DENND4A: variants seen among roughly 807,000 people sequenced by gnomAD.
DENND4A encodes the protein DENN domain containing 4A, also known as C-myc promoter-binding protein.
DENND4A carries 70 observed loss-of-function variants against 199.3 expected under a neutral mutation model. The ratio of observed to expected loss-of-function variants is 0.35; its 90% CI spans 0.29 to 0.43. DENND4A has a LOEUF of 0.43. DENND4A is among the 20% of genes least tolerant of loss of function. The pLI is 1.00. For missense variants in DENND4A, 1,723 were observed against 2,255.8 expected, an observed-to-expected ratio of 0.76 and a Z score of 4.78; for synonymous variants, 686 against 766.9, an observed-to-expected ratio of 0.89 and a Z score of 1.74.
chr15:65,730,874 CATG>C (rs1239930775), intron 9 of DENND4A, among the ~76,000 whole-genome samples: 1 of 152,040 alleles, frequency 6.6e-6, no homozygotes, highest in African/African-American at 2.4e-5. Context: ...GGGTGAATTA[CATG>C]ATATGTGAAT....
At chr15:65,720,672 A>G (rs954956532) in intron 12 of DENND4A, among the ~76,000 whole-genome samples, 12 of 151,828 alleles carry the variant, frequency 7.9e-5, no homozygotes, top group African/African-American at 2.9e-4. Context: ...TCGGCCTCCC[A>G]AAGTGCTGGG....
chr15:65,780,135 C>T (rs893456570), intron 1 of DENND4A, among the ~76,000 whole-genome samples: 8 of 152,030 alleles, frequency 5.3e-5, no homozygotes, highest in Non-Finnish European at 1.0e-4. Flanking sequence ...ATTGCGGGCT[C>T]GAGAGATCCG....
chr15:65,671,915 A>T (rs766866088), intron 24 of DENND4A, 29 bp from the exon 25 acceptor site: 5 of 1,296,918 alleles, frequency 3.9e-6, no homozygotes, highest in Non-Finnish European at 5.6e-6. Flanking sequence ...CAAAGAACAG[A>T]AACCATTAAA....
intron 12 of DENND4A, among the ~76,000 whole-genome samples, chr15:65,720,943 TTGA>T (rs1173138257): frequency 1.7e-5 from 1 of 57,400 alleles, no homozygotes; most frequent in African/African-American, 6.2e-5. Flanking sequence ...GGCTGTTTCA[TTGA>T]TTATATATAT....
chr15:65,674,752 C>T (rs1238564195), intron 24 of DENND4A, among the ~76,000 whole-genome samples: 2 of 148,158 alleles, frequency 1.3e-5, no homozygotes, highest in African/African-American at 4.9e-5. Context: ...AAAAAAAAGA[C>T]ACATTATATG....
rs1336540353 is a variant in DENND4A, at chr15:65,756,251, T to C, written c.200A>G (p.Asp67Gly). The change falls in exon 3 of 33, where the codon GAT becomes GGT. Residue 67 changes from aspartate to glycine, a missense_variant. This residue lies in a region of DENND4A where 725 missense variants were observed against 952.9 expected (regional missense o/e 0.76). Transcript: ENST00000443035. ...AGCTGACAATCCAGTTGGGGTAACA[T>C]CAATACAGATATAATCCTGTGGGAC... ...EEVPQDYICI[D>G]VTPTGLSADL... 1.2e-6 allele frequency: 2 copies of C among 1,612,722 alleles called. No individual in the cohort carries two copies. Among genetic ancestry groups the C allele is most frequent in the Non-Finnish European group, 1.7e-6 (2 of 1,179,322 alleles).
chr15:65,703,842 ATAAATAAG>A (rs1264674900), intron 15 of DENND4A, among the ~76,000 whole-genome samples: 2 of 152,336 alleles, frequency 1.3e-5, no homozygotes, highest in Non-Finnish European at 2.9e-5. Flanking sequence ...AACTTCATTA[ATAAATAAG>A]TAAATAAGTG....
intron 9 of DENND4A, among the ~76,000 whole-genome samples, chr15:65,731,227 A>G (rs1188387287): frequency 2.2e-4 from 34 of 152,014 alleles, no homozygotes; most frequent in Admixed American, 1.6e-3. Context: ...AAGAAAATAC[A>G]TTGTCCTATT....
intron 1 of DENND4A, among the ~76,000 whole-genome samples, chr15:65,785,933 C>T (rs1218969869): frequency 1.3e-5 from 2 of 151,886 alleles, no homozygotes; most frequent in Non-Finnish European, 2.9e-5. Flanking sequence ...TAAAAACAAA[C>T]AAAAAAACTT....
At chr15:65,697,670 A>C (rs2077193356) in intron 20 of DENND4A, among the ~76,000 whole-genome samples, 1 of 152,240 alleles carries the variant, frequency 6.6e-6, no homozygotes. Flanking sequence ...ATGAGCTCCA[A>C]GACACAGACA....
chr15:65,698,306 T>C lies in DENND4A; in HGVS notation c.2834-923A>G, dbSNP rs116079761. Among the ~76,000 whole-genome samples, 534 of 149,820 alleles carry C rather than the reference T, an allele frequency of 3.6e-3. 2 individuals carry two copies. The highest frequency in any genetic ancestry group is 0.013 in the African/African-American group (517 of 41,222). ...AAGGTCTATCAATATAAAAAAATTT[T>C]CTAATACACTGTGTTGCTAAAGAGG... On this transcript the variant is annotated intron_variant, in intron 20 of 32. Coordinates refer to ENST00000443035, the MANE Select transcript of DENND4A (RefSeq NM_001320835.1).
chr15:65,738,792 C>T lies in DENND4A; in HGVS notation c.715G>A (p.Ala239Thr), dbSNP rs1275852616. Residue 239 changes from alanine to threonine, a missense_variant, in exon 6 of 33, where the codon GCA (alanine) becomes ACA (threonine). Ala to Thr is a moderately conservative substitution (Grantham distance 58). This residue lies in a region of DENND4A where 725 missense variants were observed against 952.9 expected (regional missense o/e 0.76). Coordinates refer to ENST00000443035, the MANE Select transcript of DENND4A (RefSeq NM_001320835.1). ...SVPLFCLPMG[A>T]TIECWPSNSK... ...TTTGATGGCCAACATTCAATGGTTG[C>T]ACCCATTGGTAAACAAAATAGAGGA... is the stretch of plus-strand genomic sequence containing the variant. The T allele has an allele frequency of 1.9e-6, 3 of 1,612,030 alleles. No homozygotes were observed. Among genetic ancestry groups the T allele is most frequent in the Admixed American group, 1.7e-5 (1 of 59,822 alleles).
intron 13 of DENND4A, 70 bp from the exon 14 acceptor site, chr15:65,715,693 G>A (rs1482279894): frequency 7.2e-7 from 1 of 1,380,496 alleles, no homozygotes; most frequent in South Asian, 1.4e-5. Flanking sequence ...ATTTGCACTA[G>A]AAAGAATCTG....
intron 4 of DENND4A, among the ~76,000 whole-genome samples, chr15:65,744,624 T>C (rs944786686): frequency 2.0e-5 from 3 of 152,172 alleles, no homozygotes; most frequent in African/African-American, 7.2e-5. Context: ...TTTGGTGTAT[T>C]ATATATTTTC....
At chr15:65,702,207 T>A (rs930010644) in intron 17 of DENND4A, 98 bp downstream of exon 17, 19 of 1,001,112 alleles carry the variant, frequency 1.9e-5, no homozygotes, top group Non-Finnish European at 2.9e-5. Flanking sequence ...AGGTTAAGAC[T>A]GCAGTGAGCC....
chr15:65,728,641 G>A (rs146579915), intron 11 of DENND4A, among the ~76,000 whole-genome samples: 67 of 151,870 alleles, frequency 4.4e-4, no homozygotes, highest in African/African-American at 1.4e-3. Context: ...GCGCCACCAC[G>A]CTCAGCTAAT....
chr15:65,700,767 T>C, intron 19 of DENND4A, 92 bp from the exon 20 acceptor site: 1 of 1,313,416 alleles, frequency 7.6e-7, no homozygotes, highest in Non-Finnish European at 1.0e-6. Flanking sequence ...AATGTAATAC[T>C]GAACATGAAA....
chr15:65,772,272 T>C lies in DENND4A; in HGVS notation c.-101-10834A>G, dbSNP rs2140892200. On this transcript the variant is annotated intron_variant, in intron 1 of 32. Coordinates refer to ENST00000443035, the MANE Select transcript of DENND4A (RefSeq NM_001320835.1). ...CTCATTCACTCATCTGACAAATATT[T>C]ATTGAATACTGAAATGGACATGTAT... is the stretch of plus-strand genomic sequence containing the variant. The C allele has an allele frequency of 5.5e-6, 3 of 546,100 alleles. No homozygotes were observed. In the East Asian group the frequency reaches 9.1e-5, roughly 17 times the overall value. The allele number at this position is 546,100 out of a possible 1,614,324, so 33.8% of individuals were successfully genotyped here.
intron 4 of DENND4A, 99 bp downstream of exon 4, chr15:65,752,279 TC>T: frequency 7.4e-6 from 4 of 541,594 alleles, no homozygotes; most frequent in Non-Finnish European, 7.4e-6. Flanking sequence ...TATGCTGTTT[TC>T]CAAAAAAAAA....
Sources: allele counts gnomAD v4.1 joint callset (sites outside exome capture counted in the v4.1 genomes callset), GRCh38; gene constraint gnomAD v4.1.1; regional missense constraint gnomAD v4.1.1; transcripts MANE v1.5; gene names NCBI Gene and HGNC (gene_info 2026-07-23, HGNC 2026-07-21).